Variants in TBL1X observed in about 807,000 individuals in gnomAD.
TBL1X encodes F-box-like/WD repeat-containing protein TBL1X.
In TBL1X, 10 loss-of-function variants were observed where a neutral mutation model predicts 50.7. That is an observed-to-expected ratio of 0.20 (90% CI 0.12 to 0.33). The LOEUF is 0.33. TBL1X is among the 10% of genes least tolerant of loss of function. The pLI is 1.00. For synonymous variants in TBL1X, 190 were observed against 214.7 expected (o/e 0.88, Z 1.01); for missense variants, 340 against 504.4 (o/e 0.67, Z 3.12).
intron 2 of TBL1X, among the ~76,000 whole-genome samples, chrX:9,635,309 G>A (rs1444024724): frequency 1.8e-5 from 2 of 110,869 alleles, no homozygotes; most frequent in Non-Finnish European, 3.8e-5. Context: ...GTGGGGAGGG[G>A]GCGGCAGCGG....
intron 5 of TBL1X, among the ~76,000 whole-genome samples, chrX:9,665,538 TAA>T (rs2082925775): frequency 3.1e-5 from 2 of 64,083 alleles, no homozygotes; most frequent in Admixed American, 2.1e-4. Context: ...TATATATATA[TAA>T]AAGGCCTTGG....
chrX:9,592,272 G>A (rs144486669), intron 2 of TBL1X, among the ~76,000 whole-genome samples: 213 of 111,611 alleles, frequency 1.9e-3, no homozygotes, highest in African/African-American at 6.8e-3. Context: ...TGCACTAAGC[G>A]GCATTTTAAA....
Position 9,577,273 on chromosome X carries a change from G to C in TBL1X, c.-130-63000G>C, listed in dbSNP as rs1017488091. On this transcript the variant is annotated intron_variant, in intron 2 of 17. Coordinates refer to ENST00000645353, the MANE Select transcript of TBL1X (RefSeq NM_005647.4). Reference sequence around the variant, plus strand: ...ATGTGGCCATTGTGACTGAGAAACTGAATTGTGAATGTTATTTAATTTTCA... The same window carrying C: ...ATGTGGCCATTGTGACTGAGAAACTCAATTGTGAATGTTATTTAATTTTCA... Among the ~76,000 whole-genome samples, 3 of 111,709 alleles carry C rather than the reference G, an allele frequency of 2.7e-5. No individual in the cohort carries two copies. The South Asian group carries it at 1.1e-3, about 42-fold the overall frequency.
chrX:9,498,666 A>G (rs1344402212), intron 1 of TBL1X, among the ~76,000 whole-genome samples: 2 of 112,619 alleles, frequency 1.8e-5, no homozygotes, highest in Non-Finnish European at 3.8e-5. Context: ...CAGAGACCGC[A>G]GGAGCCTGGC....
At chrX:9,657,207 G>GGA (rs1207776797) in intron 5 of TBL1X, among the ~76,000 whole-genome samples, 1 of 112,113 alleles carries the variant, frequency 8.9e-6, no homozygotes, top group Non-Finnish European at 1.9e-5. Context: ...AGTGAGGCAG[G>GGA]GAGTAGGTGT....
chrX:9,499,055 C>T (rs1394457141), intron 1 of TBL1X, among the ~76,000 whole-genome samples: 3 of 111,787 alleles, frequency 2.7e-5, no homozygotes, highest in African/African-American at 9.8e-5. Context: ...GGAGCAGCCC[C>T]TGTGGAGGCG....
intron 2 of TBL1X, among the ~76,000 whole-genome samples, chrX:9,593,273 G>A (rs1373592118): frequency 4.6e-5 from 5 of 108,763 alleles, no homozygotes; most frequent in East Asian, 5.7e-4. Flanking sequence ...GTGACGGTGG[G>A]CGCCTATAAT....
intron 2 of TBL1X, among the ~76,000 whole-genome samples, chrX:9,515,182 A>G (rs1016353163): frequency 4.5e-5 from 5 of 111,743 alleles, no homozygotes; most frequent in Non-Finnish European, 9.4e-5. Context: ...CCACTTCCTA[A>G]GTTCCTATAG....
At chrX:9,542,161 A>G (rs1472131000) in intron 2 of TBL1X, among the ~76,000 whole-genome samples, 1 of 110,856 alleles carries the variant, frequency 9.0e-6, no homozygotes, top group Non-Finnish European at 1.9e-5. Flanking sequence ...TTGATGGATG[A>G]TAAAAATTGA....
chrX:9,693,283 C>G (rs148489324), intron 10 of TBL1X, 39 bp from the exon 11 acceptor site: 1 of 1,207,099 alleles, frequency 8.3e-7, no homozygotes. Flanking sequence ...AGTGAACAGA[C>G]CATGACATTG....
Position 9,698,924 on chromosome X carries a change from T to G in TBL1X, c.1114+1495T>G, listed in dbSNP as rs938622355. Among the ~76,000 whole-genome samples, 4 of 111,721 alleles carry G rather than the reference T, an allele frequency of 3.6e-5. No individual in the cohort carries two copies. The East Asian group carries it at 1.1e-3, about 32-fold the overall frequency. Reference sequence around the variant, plus strand: ...ATGCGTTACCCAGGGCTCTGGAGTCTGTAGAGATTCCGATTTTCCAGATTC... The same window carrying G: ...ATGCGTTACCCAGGGCTCTGGAGTCGGTAGAGATTCCGATTTTCCAGATTC... On this transcript the variant is annotated intron_variant, in intron 12 of 17. Transcript: ENST00000645353.
chrX:9,609,565 T>C (rs1254879648), intron 2 of TBL1X, among the ~76,000 whole-genome samples: 2 of 111,522 alleles, frequency 1.8e-5, no homozygotes, highest in African/African-American at 6.5e-5. Context: ...CCATCATTTA[T>C]ATCACATGTG....
At chrX:9,599,311 T>C (rs1007396680) in intron 2 of TBL1X, among the ~76,000 whole-genome samples, 2 of 112,146 alleles carry the variant, frequency 1.8e-5, no homozygotes, top group Non-Finnish European at 3.8e-5. Flanking sequence ...AGTTTACATC[T>C]GCAAAGACCC....
intron 2 of TBL1X, among the ~76,000 whole-genome samples, chrX:9,571,762 C>T (rs1448917175): frequency 9.0e-6 from 1 of 111,570 alleles, no homozygotes; most frequent in African/African-American, 3.3e-5. Flanking sequence ...AACCACCTGG[C>T]ACCCACTGTT....
intron 2 of TBL1X, among the ~76,000 whole-genome samples, chrX:9,617,330 G>A (rs1314333878): frequency 9.0e-6 from 1 of 111,549 alleles, no homozygotes. Flanking sequence ...GAGCAGAACA[G>A]GGCAGGCCCA....
intron 2 of TBL1X, among the ~76,000 whole-genome samples, chrX:9,523,911 T>C (rs774878743): frequency 1.8e-5 from 2 of 111,077 alleles, no homozygotes; most frequent in South Asian, 7.5e-4. Flanking sequence ...CTTTTTTCTT[T>C]TCTTTTTATT....
At chrX:9,656,387 G>A (rs1465813911) in intron 5 of TBL1X, among the ~76,000 whole-genome samples, 2 of 112,968 alleles carry the variant, frequency 1.8e-5, no homozygotes, top group Non-Finnish European at 3.7e-5. Flanking sequence ...GAAGGACCAC[G>A]TGCTCCGGTA....
intron 5 of TBL1X, among the ~76,000 whole-genome samples, chrX:9,659,695 T>C (rs763043686): frequency 7.1e-5 from 8 of 112,236 alleles, no homozygotes; most frequent in Non-Finnish European, 1.5e-4. Flanking sequence ...GTGCATTCTT[T>C]TCCATCTAAG....
At chrX:9,598,914 T>G (rs773210421) in intron 2 of TBL1X, among the ~76,000 whole-genome samples, 31 of 98,362 alleles carry the variant, frequency 3.2e-4, no homozygotes, top group South Asian at 1.4e-3. Flanking sequence ...CTACCTTTTT[T>G]TTTTGTTTTG....
Sources: gnomAD v4.1 joint callset for allele counts (sites outside exome capture counted in the v4.1 genomes callset) on GRCh38, gnomAD v4.1.1 for gene constraint, MANE v1.5 for transcripts, NCBI Gene and HGNC (gene_info 2026-07-23, HGNC 2026-07-21) for gene names.